The following FHDC1 variants were observed in gnomAD, a reference collection of about 807,000 sequenced individuals.
The protein encoded by FHDC1 is FH2 domain-containing protein 1.
In FHDC1, 25 loss-of-function variants were observed where a neutral mutation model predicts 52.6. The ratio of observed to expected loss-of-function variants is 0.48; its 90% CI spans 0.35 to 0.66. FHDC1 has a LOEUF of 0.66. Among genes scored for constraint, FHDC1 ranks in the 30% least tolerant of loss-of-function variants. FHDC1 has a pLI of 0.01. For missense variants in FHDC1, 1,459 were observed against 1,452.8 expected, an observed-to-expected ratio of 1.00 and a Z score of -0.07; for synonymous variants, 616 against 581.5, an observed-to-expected ratio of 1.06 and a Z score of -0.85.
intron 2 of FHDC1, among the ~76,000 whole-genome samples, chr4:152,952,254 C>T (rs1369164702): frequency 3.3e-5 from 5 of 152,114 alleles, no homozygotes; most frequent in Non-Finnish European, 5.9e-5. Flanking sequence ...GGTTCTTTTA[C>T]GTCCATAAAT....
intron 2 of FHDC1, among the ~76,000 whole-genome samples, chr4:152,949,773 G>A (rs747986605): frequency 6.6e-6 from 1 of 152,232 alleles, no homozygotes; most frequent in South Asian, 2.1e-4. Context: ...GAAACTGTGA[G>A]TAGAGCCCAG....
intron 7 of FHDC1, 26 bp downstream of exon 7, chr4:152,962,910 A>G (rs1447822723): frequency 5.6e-6 from 9 of 1,594,570 alleles, no homozygotes; most frequent in Non-Finnish European, 7.7e-6. Context: ...AACAATTGTA[A>G]TGTTATGTTT....
the FHDC1 span, among the ~76,000 whole-genome samples, chr4:152,919,258 C>T: frequency 1.3e-5 from 2 of 152,210 alleles, no homozygotes; most frequent in Non-Finnish European, 2.9e-5. Flanking sequence ...ATAAGACAGG[C>T]TTGCCCTTAA....
chr4:152,976,349 C>A lies in FHDC1; in HGVS notation c.3058C>A (p.Pro1020Thr), dbSNP rs746290819. The A allele has an allele frequency of 6.2e-7, 1 of 1,613,810 alleles. No individual in the cohort carries two copies. Among genetic ancestry groups the A allele is most frequent in the Non-Finnish European group, 8.5e-7 (1 of 1,180,026 alleles). Residue 1020 changes from proline (P) to threonine (T), a missense_variant, in exon 12 of 12, where the codon CCG becomes ACG. Physicochemically the swap from Pro to Thr is conservative, Grantham distance 38. Transcript: ENST00000511601. ...GAGTCCCAAAGAAGAGCCCAAGACC[C>A]CGTCAGTGCCCAGCGTCCCCCACGA... is the stretch of plus-strand genomic sequence containing the variant. ...PESPKEEPKT[P>T]SVPSVPHELP...
At chr4:152,948,441 A>T (rs1042107955) in intron 2 of FHDC1, among the ~76,000 whole-genome samples, 2 of 151,946 alleles carry the variant, frequency 1.3e-5, no homozygotes, top group Non-Finnish European at 2.9e-5. Context: ...AGGGGAATGG[A>T]GAGTTAATTG....
chr4:152,966,863 T>C (rs961842306), intron 9 of FHDC1, among the ~76,000 whole-genome samples: 3 of 152,216 alleles, frequency 2.0e-5, no homozygotes, highest in Non-Finnish European at 4.4e-5. Context: ...CTCATGCCTG[T>C]GATCCCAGCA....
chr4:152,956,756 G>A (rs963463176), intron 4 of FHDC1, among the ~76,000 whole-genome samples: 9 of 152,136 alleles, frequency 5.9e-5, no homozygotes, highest in East Asian at 1.9e-4. Context: ...CTCCTGCTGC[G>A]GGGTCATCCT....
At chr4:152,958,222 G>C (rs4992283) in intron 4 of FHDC1, among the ~76,000 whole-genome samples, 5,986 of 152,188 alleles carry the variant, frequency 0.039, 397 homozygotes, top group African/African-American at 0.14. Context: ...CTCACTGTTA[G>C]GACAGCAACC....
At chr4:152,947,693 A>G (rs1002805254) in intron 2 of FHDC1, among the ~76,000 whole-genome samples, 1 of 152,208 alleles carries the variant, frequency 6.6e-6, no homozygotes, top group African/African-American at 2.4e-5. Flanking sequence ...ATTGGGGCTC[A>G]CAAAGAAAGC....
rs749184130 is a variant in FHDC1 at position 152,954,240 on chromosome 4, A to G, written c.584A>G (p.Asp195Gly). Residue 195 changes from aspartate (D) to glycine (G), a missense_variant, in exon 4 of 12, where the codon GAT (aspartate) becomes GGT (glycine). This residue lies in a region of FHDC1 where 513 missense variants were observed against 581.5 expected (regional missense o/e 0.88). Coordinates refer to ENST00000511601, the MANE Select transcript of FHDC1 (RefSeq NM_001371116.1). ...FKKSPRSIVE[D>G]IHQGKSEHYG... ...AGGTCTCCTCGGTCCATTGTAGAAGATATTCATCAAGGAAAAAGTGAGCAT... is the reference window on the plus strand; with the variant it reads ...AGGTCTCCTCGGTCCATTGTAGAAGGTATTCATCAAGGAAAAAGTGAGCAT... 1.1e-5 allele frequency: 17 copies of G among 1,614,096 alleles called. No homozygotes were observed. Among genetic ancestry groups the G allele is most frequent in the Non-Finnish European group, 1.4e-5 (17 of 1,179,928 alleles).
At chr4:152,943,879 T>C (rs1327982684) in intron 2 of FHDC1, among the ~76,000 whole-genome samples, 2 of 152,100 alleles carry the variant, frequency 1.3e-5, no homozygotes, top group African/African-American at 4.8e-5. Context: ...CAAGTCCGGA[T>C]TGTTAGTCTC....
At chr4:152,932,407 A>AG (rs1739269517), upstream of FHDC1, among the ~76,000 whole-genome samples, 2 of 151,964 alleles carry the variant, frequency 1.3e-5, no homozygotes, top group African/African-American at 4.8e-5. Flanking sequence ...ATCTCAAAAA[A>AG]AAAAAAAGTT....
chr4:152,925,310 G>T, the FHDC1 span, among the ~76,000 whole-genome samples: 2 of 152,098 alleles, frequency 1.3e-5, no homozygotes, highest in Non-Finnish European at 2.9e-5. Flanking sequence ...TAGACATGCA[G>T]ACAGAAGTAG....
the FHDC1 span, among the ~76,000 whole-genome samples, chr4:152,919,798 C>T: frequency 2.6e-5 from 4 of 152,030 alleles, no homozygotes; most frequent in East Asian, 1.9e-4. Context: ...AAGTTAATAA[C>T]GAGTTAGCCT....
At chr4:152,928,113 A>G in the FHDC1 span, 1 of 1,071,088 alleles carries the variant, frequency 9.3e-7, no homozygotes, top group South Asian at 1.2e-5. Context: ...GGGAGCAGCA[A>G]CTCTGAGTCC....
chr4:152,914,642 G>C, the FHDC1 span, among the ~76,000 whole-genome samples: 1 of 152,174 alleles, frequency 6.6e-6, no homozygotes. Flanking sequence ...ATGAATTGTT[G>C]ATTCATAAGG....
intron 3 of FHDC1, 126 bp from the exon 4 acceptor site, chr4:152,954,091 C>T: frequency 1.3e-6 from 1 of 749,222 alleles, no homozygotes; most frequent in Admixed American, 2.5e-5. Context: ...TCACACAAAA[C>T]TGCCAGCCAG....
chr4:152,945,783 A>G (rs966006042), intron 2 of FHDC1, among the ~76,000 whole-genome samples: 8 of 152,232 alleles, frequency 5.3e-5, no homozygotes, highest in Middle Eastern at 6.8e-3. Flanking sequence ...GCTTGTTGAC[A>G]TTAAGTACAT....
At chr4:152,912,715 A>C in the FHDC1 span, among the ~76,000 whole-genome samples, 1 of 152,200 alleles carries the variant, frequency 6.6e-6, no homozygotes, top group Non-Finnish European at 1.5e-5. Flanking sequence ...GCTGGGTGTG[A>C]GAGCAGGGAA....
Sources: gnomAD v4.1 joint callset for allele counts (sites outside exome capture counted in the v4.1 genomes callset) on GRCh38, gnomAD v4.1.1 for gene constraint, gnomAD v4.1.1 regional missense constraint, MANE v1.5 for transcripts, NCBI Gene and HGNC (gene_info 2026-07-23, HGNC 2026-07-21) for gene names.